Variants in REV1 observed in about 807,000 individuals in gnomAD.
REV1 encodes translesion synthesis protein REV1.
A neutral mutation model predicts 137.4 loss-of-function variants in REV1; 42 were observed. The observed-to-expected ratio is 0.31, with a 90% CI of 0.24 to 0.40. REV1 has a LOEUF of 0.40. Ranked by LOEUF, REV1 falls within the 10% of genes least tolerant of loss-of-function variation. REV1 has a pLI of 1.00. For synonymous variants in REV1, 524 were observed against 519.2 expected (o/e 1.01, Z -0.12); for missense variants, 1,282 against 1,490.1 (o/e 0.86, Z 2.30).
chr2:99,437,684 GA>G (rs28382888), intron 6 of REV1, among the ~76,000 whole-genome samples: 1 of 151,958 alleles, frequency 6.6e-6, no homozygotes, highest in African/African-American at 2.4e-5. Context: ...CCCATTCACA[GA>G]ACTAATTAAT....
Position 99,406,084 on chromosome 2 carries a change from C to T in REV1, c.2637G>A (p.Leu879=). Residue 879 remains leucine, a synonymous_variant, in exon 17 of 23, where the codon CTG becomes CTA. Transcript: ENST00000258428. ...AAGTTCTAGAAGCAGATGATATTTC[C>T]AGATCCACAGCAGCCCGAAATACTA... ...HKEVFRAAVD[L]EISSASRTCT... 3 of 1,613,024 alleles carry T rather than the reference C, an allele frequency of 1.9e-6. No individual in the cohort carries two copies. The highest frequency in any genetic ancestry group is 2.5e-6 in the Non-Finnish European group (3 of 1,179,650).
At chr2:99,415,765 A>G (rs1198566254) in intron 12 of REV1, among the ~76,000 whole-genome samples, 1 of 152,268 alleles carries the variant, frequency 6.6e-6, no homozygotes, top group Non-Finnish European at 1.5e-5. Flanking sequence ...AATGGGATAG[A>G]GAGGGAATCC....
Position 99,401,226 on chromosome 2 carries a change from G to A in REV1, c.*15C>T, listed in dbSNP as rs770127623. The A allele has an allele frequency of 4.7e-6, 7 of 1,503,034 alleles. No individual in the cohort carries two copies. The African/African-American group carries it at 6.9e-5, about 15-fold the overall frequency. 93.1% of individuals were successfully genotyped at this position (1,503,034 alleles called of 1,614,324 possible). A position where few individuals can be genotyped will look rare whatever the true frequency, so the allele number is the denominator to read the frequency against. On this transcript the variant is annotated 3_prime_UTR_variant, in exon 23 of 23. Transcript: ENST00000258428. ...TGGCACAGCTATCAGAGAGCATCAG[G>A]CTCTCTGGTAATATTTATGTAACTT...
At chr2:99,470,554 G>A (rs749285677) in intron 1 of REV1, among the ~76,000 whole-genome samples, 14 of 152,218 alleles carry the variant, frequency 9.2e-5, no homozygotes, top group South Asian at 6.2e-4. Context: ...TATTTGCCCC[G>A]GCAAGCTTAT....
chr2:99,475,907 T>G (rs559980162), intron 1 of REV1, among the ~76,000 whole-genome samples: 1 of 152,226 alleles, frequency 6.6e-6, no homozygotes, highest in Non-Finnish European at 1.5e-5. Context: ...TGCTTGAACC[T>G]AAGAGGCGGA....
chr2:99,484,458 C>T (rs897393222), intron 1 of REV1, among the ~76,000 whole-genome samples: 8 of 152,094 alleles, frequency 5.3e-5, no homozygotes, highest in Non-Finnish European at 1.0e-4. Flanking sequence ...CTTGCTACCT[C>T]CAATTTAGCC....
At chr2:99,470,828 C>CGAGA in intron 1 of REV1, among the ~76,000 whole-genome samples, 1 of 152,284 alleles carries the variant, frequency 6.6e-6, no homozygotes, top group Non-Finnish European at 1.5e-5. Context: ...GTTCGGTGTA[C>CGAGA]TCTCATGGCA....
At chr2:99,446,984 T>C (rs1359427346) in intron 4 of REV1, among the ~76,000 whole-genome samples, 1 of 152,110 alleles carries the variant, frequency 6.6e-6, no homozygotes, top group Non-Finnish European at 1.5e-5. Context: ...ACCAAGTCCT[T>C]TGAAGAGACA....
intron 5 of REV1, among the ~76,000 whole-genome samples, chr2:99,440,720 G>A (rs1177844809): frequency 1.3e-5 from 2 of 152,200 alleles, no homozygotes; most frequent in Admixed American, 1.3e-4. Flanking sequence ...TCAAAGAAAT[G>A]TACAAAATGT....
chr2:99,454,919 A>C (rs979768990), intron 3 of REV1, among the ~76,000 whole-genome samples: 3 of 152,242 alleles, frequency 2.0e-5, no homozygotes, highest in East Asian at 3.8e-4. Context: ...TTAGACCTAA[A>C]GCCCTACAAG....
At chr2:99,477,156 C>T (rs1300440489) in intron 1 of REV1, among the ~76,000 whole-genome samples, 3 of 152,186 alleles carry the variant, frequency 2.0e-5, no homozygotes, top group African/African-American at 7.2e-5. Context: ...TAATGGAACA[C>T]CTCTCCCGCC....
chr2:99,474,521 G>T (rs1263627411), intron 1 of REV1, among the ~76,000 whole-genome samples: 1 of 152,152 alleles, frequency 6.6e-6, no homozygotes, highest in African/African-American at 2.4e-5. Context: ...CAACAGTCTG[G>T]ATCATAATAG....
At chr2:99,489,446 G>C (rs537791144) in intron 1 of REV1, among the ~76,000 whole-genome samples, 1,987 of 151,646 alleles carry the variant, frequency 0.013, 43 homozygotes, top group African/African-American at 0.045. Flanking sequence ...AGGAGTTTGC[G>C]GCGCGGTCTG....
chr2:99,464,323 T>A (rs1195925729), intron 2 of REV1, among the ~76,000 whole-genome samples: 1 of 152,222 alleles, frequency 6.6e-6, no homozygotes, highest in Non-Finnish European at 1.5e-5. Context: ...TTATTTTTGC[T>A]GATTATTAAA....
rs189114553 is a variant in REV1 at position 99,426,291 on chromosome 2, G to A, written c.1548-2011C>T. ...GAACCTGGGAGGTGGAGGTTGCAGC[G>A]AGCCAAGATCGTGCCATTGCACCTC... is the stretch of plus-strand genomic sequence containing the variant. On this transcript the variant is annotated intron_variant, in intron 9 of 22. Transcript: ENST00000258428. Among the ~76,000 whole-genome samples the A allele has an allele frequency of 9.8e-3, 1,474 of 150,826 alleles. 24 individuals carry two copies. The highest frequency in any genetic ancestry group is 0.034 in the African/African-American group (1,400 of 40,968).
intron 3 of REV1, among the ~76,000 whole-genome samples, chr2:99,452,686 T>C (rs1683065136): frequency 2.0e-5 from 3 of 152,200 alleles, no homozygotes; most frequent in African/African-American, 4.8e-5. Flanking sequence ...ATCCCTGACA[T>C]AAAGCAGGTG....
At chr2:99,447,640 T>C (rs1682385268) in intron 4 of REV1, among the ~76,000 whole-genome samples, 1 of 152,184 alleles carries the variant, frequency 6.6e-6, no homozygotes, top group Non-Finnish European at 1.5e-5. Context: ...GATTTTTATT[T>C]CTCACATAAC....
chr2:99,475,850 G>A (rs1685912993), intron 1 of REV1, among the ~76,000 whole-genome samples: 1 of 152,160 alleles, frequency 6.6e-6, no homozygotes, highest in Non-Finnish European at 1.5e-5. Context: ...CAGGCGTGGT[G>A]GTGGGAGCCT....
intron 18 of REV1, 70 bp from the exon 19 acceptor site, chr2:99,403,885 CAA>C (rs879869392): frequency 1.3e-6 from 2 of 1,555,308 alleles, no homozygotes; most frequent in Non-Finnish European, 1.7e-6. Flanking sequence ...CTCTTTTTCA[CAA>C]AACAGACTTT....
Sources: allele counts gnomAD v4.1 joint callset (sites outside exome capture counted in the v4.1 genomes callset), GRCh38; gene constraint gnomAD v4.1.1; transcripts MANE v1.5; gene names NCBI Gene and HGNC (gene_info 2026-07-23, HGNC 2026-07-21).